Variants in RANBP2 observed in about 807,000 individuals in gnomAD.
The protein encoded by RANBP2 is RAN binding protein 2.
RANBP2 carries 57 observed loss-of-function variants against 303.6 expected under a neutral mutation model. That is an observed-to-expected ratio of 0.19 (90% CI 0.15 to 0.23). RANBP2 has a LOEUF of 0.23. RANBP2 is among the 10% of genes least tolerant of loss of function. The pLI is 1.00. For synonymous variants in RANBP2, 1,167 were observed against 1,301.5 expected (o/e 0.90, Z 2.23); for missense variants, 3,138 against 3,780.8 (o/e 0.83, Z 4.46).
the RANBP2 span, among the ~76,000 whole-genome samples, chr2:108,845,199 A>G: frequency 6.6e-6 from 1 of 152,226 alleles, no homozygotes; most frequent in Non-Finnish European, 1.5e-5. Flanking sequence ...TTTTTTACAC[A>G]AAGGTTTAAA....
At chr2:108,890,303 G>A in the RANBP2 span, among the ~76,000 whole-genome samples, 2 of 149,058 alleles carry the variant, frequency 1.3e-5, no homozygotes, top group Admixed American at 1.3e-4. Context: ...GCAGTGCAGT[G>A]GCATGATATG....
chr2:109,476,944 C>T, the RANBP2 span, among the ~76,000 whole-genome samples: 14 of 152,320 alleles, frequency 9.2e-5, no homozygotes, highest in East Asian at 2.5e-3. Context: ...AGAGGTCACC[C>T]TCATCACCAC....
chr2:109,038,566 A>G, the RANBP2 span, among the ~76,000 whole-genome samples: 1 of 152,190 alleles, frequency 6.6e-6, no homozygotes, highest in African/African-American at 2.4e-5. Flanking sequence ...TTGCCCCGTG[A>G]AAGACCTTAT....
At chr2:109,392,606 G>A in the RANBP2 span, among the ~76,000 whole-genome samples, 1 of 152,070 alleles carries the variant, frequency 6.6e-6, no homozygotes, top group African/African-American at 2.4e-5. Context: ...GCTCCGCCTC[G>A]TGGGTTCACG....
At chr2:109,102,064 G>A in the RANBP2 span, among the ~76,000 whole-genome samples, 1 of 152,024 alleles carries the variant, frequency 6.6e-6, no homozygotes, top group Non-Finnish European at 1.5e-5. Flanking sequence ...AAAACCTTAG[G>A]AGTGGCACAA....
chr2:109,416,299 G>A, the RANBP2 span, among the ~76,000 whole-genome samples: 1 of 152,028 alleles, frequency 6.6e-6, no homozygotes, highest in Admixed American at 6.5e-5. Flanking sequence ...TGCATGCTTA[G>A]AATTACATGT....
chr2:109,501,036 G>C, the RANBP2 span, among the ~76,000 whole-genome samples: 56 of 152,338 alleles, frequency 3.7e-4, 1 homozygote, highest in East Asian at 0.01. Flanking sequence ...TGGTGCTGCA[G>C]TTGAGGAGCG....
chr2:108,831,792 G>C, the RANBP2 span, among the ~76,000 whole-genome samples: 12 of 149,858 alleles, frequency 8.0e-5, no homozygotes, highest in Admixed American at 2.7e-4. Flanking sequence ...GAGCGCAATG[G>C]CATGATCTCG....
the RANBP2 span, chr2:109,758,802 G>A: frequency 6.8e-6 from 1 of 147,162 alleles, no homozygotes; most frequent in Non-Finnish European, 1.5e-5. Flanking sequence ...ACAGATCTTC[G>A]TTGATTAGAG....
chr2:109,297,666 G>T, the RANBP2 span, among the ~76,000 whole-genome samples: 3 of 149,064 alleles, frequency 2.0e-5, no homozygotes, highest in South Asian at 6.4e-4. Flanking sequence ...CCCCACCCTG[G>T]TCAGTGCCTT....
chr2:109,113,684 G>T, the RANBP2 span, among the ~76,000 whole-genome samples: 1 of 152,204 alleles, frequency 6.6e-6, no homozygotes, highest in African/African-American at 2.4e-5. Flanking sequence ...GAATAGGAGC[G>T]GTGAGAGAGG....
chr2:109,245,953 C>T, the RANBP2 span, among the ~76,000 whole-genome samples: 2 of 152,182 alleles, frequency 1.3e-5, no homozygotes, highest in East Asian at 3.8e-4. Context: ...AAAATTACTG[C>T]TATAATGAAA....
chr2:109,302,156 G>A, the RANBP2 span, among the ~76,000 whole-genome samples: 4 of 152,190 alleles, frequency 2.6e-5, no homozygotes, highest in Non-Finnish European at 1.5e-5. Flanking sequence ...TGTTGAACAC[G>A]GATCTGCAAA....
chr2:109,296,353 G>A, the RANBP2 span, among the ~76,000 whole-genome samples: 1 of 151,902 alleles, frequency 6.6e-6, no homozygotes, highest in Non-Finnish European at 1.5e-5. Flanking sequence ...TCAGCCTCCC[G>A]AGTAGCTGGG....
intron 1 of RANBP2, among the ~76,000 whole-genome samples, chr2:108,728,310 T>TAG (rs1286789316): frequency 6.6e-6 from 1 of 152,152 alleles, no homozygotes; most frequent in Non-Finnish European, 1.5e-5. Flanking sequence ...ATTTATTATT[T>TAG]AGAGAGAGGA....
At chr2:109,112,465 C>G in the RANBP2 span, among the ~76,000 whole-genome samples, 5 of 152,270 alleles carry the variant, frequency 3.3e-5, no homozygotes, top group East Asian at 1.9e-4. Flanking sequence ...CGTTTGCCCA[C>G]TTTTTGATGG....
chr2:108,812,812 T>C, the RANBP2 span: 4 of 1,612,584 alleles, frequency 2.5e-6, no homozygotes, highest in Non-Finnish European at 3.4e-6. Context: ...GCATATATAC[T>C]GTTGCAGAGG....
chr2:108,742,803 T>A (rs906371082), intron 7 of RANBP2, among the ~76,000 whole-genome samples: 6 of 152,026 alleles, frequency 3.9e-5, no homozygotes, highest in Non-Finnish European at 7.4e-5. Flanking sequence ...TATTTATTTT[T>A]TTTGAGACGG....
At chr2:109,524,523 G>A in the RANBP2 span, among the ~76,000 whole-genome samples, 5 of 150,480 alleles carry the variant, frequency 3.3e-5, no homozygotes, top group South Asian at 4.2e-4. Flanking sequence ...TTGGGAGGCC[G>A]AGGTAGGCAG....
Sources: allele counts gnomAD v4.1 joint callset (sites outside exome capture counted in the v4.1 genomes callset), GRCh38; gene constraint gnomAD v4.1.1; transcripts MANE v1.5; gene names NCBI Gene and HGNC (gene_info 2026-07-23, HGNC 2026-07-21).